PEX2: variants seen among roughly 807,000 people sequenced by gnomAD.
PEX2 encodes the protein peroxisome biogenesis factor 2.
PEX2 carries 19 observed loss-of-function variants against 25.2 expected under a neutral mutation model. The ratio of observed to expected loss-of-function variants is 0.75; its 90% CI spans 0.53 to 1.10. The LOEUF (loss-of-function observed/expected upper bound fraction) is 1.10, where lower values mean the gene tolerates loss of function less well. Ranked by LOEUF, PEX2 falls within the 50% of genes least tolerant of loss-of-function variation. The pLI is 0.00. For missense variants in PEX2, 347 were observed against 350.6 expected, an observed-to-expected ratio of 0.99 and a Z score of 0.08; for synonymous variants, 141 against 127.7, an observed-to-expected ratio of 1.10 and a Z score of -0.70.
chr8:77,000,207 A>G, upstream of PEX2: 1 of 272,604 alleles, frequency 3.7e-6, no homozygotes, highest in South Asian at 3.0e-5. Context: ...TGGATGGCCA[A>G]ACAACCGCGA....
intron 1 of PEX2, among the ~76,000 whole-genome samples, chr8:76,989,206 T>G (rs566682393): frequency 2.0e-5 from 3 of 151,504 alleles, no homozygotes; most frequent in Admixed American, 1.3e-4. Flanking sequence ...GGGAAGCAAG[T>G]CCTTATCAAT....
At chr8:76,994,273 A>T (rs1239854973) in intron 1 of PEX2, among the ~76,000 whole-genome samples, 1 of 152,182 alleles carries the variant, frequency 6.6e-6, no homozygotes, top group African/African-American at 2.4e-5. Context: ...AACTAAACAA[A>T]TGACTGTATC....
Position 76,984,050 on chromosome 8 carries a change from TC to T in PEX2, c.128del (p.Gly43AspfsTer7). The T allele has an allele frequency of 1.9e-6, 3 of 1,613,098 alleles. No homozygotes were observed. The highest frequency in any genetic ancestry group is 2.5e-6 in the Non-Finnish European group (3 of 1,179,414). ...VWSQFTQCFHGFKPGLLARFE... is the reference protein window; with the variant it reads ...VWSQFTQCFHXFKPGLLARFE... ...AGCGAGCTAACAGCCCAGGTTTAAA[TC>T]CATGAAAGCACTGAGTAAACTGGGA... On this transcript the variant is annotated frameshift_variant, in exon 4 of 4. Coordinates refer to ENST00000357039, the MANE Select transcript of PEX2 (RefSeq NM_000318.3). LOFTEE classifies it high-confidence loss of function.
At chr8:76,997,728 T>C (rs1301844026) in intron 1 of PEX2, among the ~76,000 whole-genome samples, 1 of 152,116 alleles carries the variant, frequency 6.6e-6, no homozygotes, top group African/African-American at 2.4e-5. Flanking sequence ...AAAAAGAAAA[T>C]ATATTAAATT....
chr8:76,996,030 T>C (rs895828144), intron 1 of PEX2, among the ~76,000 whole-genome samples: 4 of 152,128 alleles, frequency 2.6e-5, no homozygotes, highest in South Asian at 2.1e-4. Context: ...TATTTCCAAT[T>C]GCAAAAGAGC....
chr8:76,999,622 T>G (rs1233042946), intron 1 of PEX2, among the ~76,000 whole-genome samples: 1 of 152,220 alleles, frequency 6.6e-6, no homozygotes, highest in South Asian at 2.1e-4. Flanking sequence ...AAGTAAAGTT[T>G]GGATCCTCAA....
chr8:77,000,503 G>C (rs1054809084), upstream of PEX2, among the ~76,000 whole-genome samples: 1 of 152,214 alleles, frequency 6.6e-6, no homozygotes, highest in Non-Finnish European at 1.5e-5. Flanking sequence ...GGGGTTCCTT[G>C]TTCGCTGTCG....
chr8:76,990,368 T>C (rs1417731042), intron 1 of PEX2, among the ~76,000 whole-genome samples: 8 of 152,212 alleles, frequency 5.3e-5, no homozygotes, highest in Admixed American at 5.2e-4. Flanking sequence ...GGAGGATCAC[T>C]TTTAATTTCC....
At chr8:76,998,504 T>C (rs943140039) in intron 1 of PEX2, among the ~76,000 whole-genome samples, 2 of 152,238 alleles carry the variant, frequency 1.3e-5, no homozygotes, top group East Asian at 1.9e-4. Context: ...TTGTAGCTTT[T>C]AGAAATAAAT....
chr8:76,987,303 A>G (rs559918079), intron 2 of PEX2, among the ~76,000 whole-genome samples: 4 of 152,294 alleles, frequency 2.6e-5, no homozygotes, highest in East Asian at 1.9e-4. Context: ...AAGGTCAGAG[A>G]AGGCTTCCTG....
chr8:76,982,665 C>T lies in PEX2; in HGVS notation c.*596G>A, dbSNP rs139852334. On this transcript the variant is annotated 3_prime_UTR_variant, in exon 4 of 4. Coordinates refer to ENST00000357039, the MANE Select transcript of PEX2 (RefSeq NM_000318.3). ...CTCTACTAAAAATACAAAAATTACC[C>T]GGGCATGGTGGCATGCACCTGCAGT... 43 of 154,096 alleles carry T rather than the reference C, an allele frequency of 2.8e-4. No homozygotes were observed. The East Asian group carries it at 7.7e-3, about 27-fold the overall frequency. The allele number at this position is 154,096 out of a possible 1,614,324, so 9.5% of individuals were successfully genotyped here. A position where few individuals can be genotyped will look rare whatever the true frequency, so the allele number is the denominator to read the frequency against.
chr8:76,983,180 A>G lies in PEX2; in HGVS notation c.*81T>C, dbSNP rs1203869738. ...GGAGCACATTCCTTATAAAGGATAC[A>G]TAAATGGTATACTTAGGATGACTAA... is the stretch of plus-strand genomic sequence containing the variant. On this transcript the variant is annotated 3_prime_UTR_variant, in exon 4 of 4. Transcript: ENST00000357039. 4 of 1,597,884 alleles carry G rather than the reference A, an allele frequency of 2.5e-6. No homozygotes were observed. Among genetic ancestry groups the G allele is most frequent in the Non-Finnish European group, 3.4e-6 (4 of 1,179,060 alleles).
chr8:76,989,691 A>T (rs1776909695), intron 1 of PEX2, among the ~76,000 whole-genome samples: 1 of 152,062 alleles, frequency 6.6e-6, no homozygotes, highest in Admixed American at 6.6e-5. Flanking sequence ...TTTTGAAATA[A>T]TTTTTTTTGA....
At chr8:76,988,603 G>C (rs975034795) in intron 1 of PEX2, among the ~76,000 whole-genome samples, 5 of 152,186 alleles carry the variant, frequency 3.3e-5, no homozygotes, top group African/African-American at 1.2e-4. Flanking sequence ...TCAGGGTGAT[G>C]ACTGCTGAAG....
At chr8:76,993,029 C>T (rs559703572) in intron 1 of PEX2, among the ~76,000 whole-genome samples, 102 of 152,282 alleles carry the variant, frequency 6.7e-4, no homozygotes, top group African/African-American at 2.4e-3. Context: ...ACATGAGTTG[C>T]ACCATGAGCT....
intron 1 of PEX2, among the ~76,000 whole-genome samples, chr8:76,989,515 C>T (rs2132051822): frequency 6.6e-6 from 1 of 152,138 alleles, no homozygotes; most frequent in South Asian, 2.1e-4. Context: ...CAACTACAGG[C>T]TTAAGAAATG....
At chr8:76,988,190 C>T (rs1807061094) in intron 2 of PEX2, 117 bp downstream of exon 2, 1 of 152,132 alleles carries the variant, frequency 6.6e-6, no homozygotes. Context: ...TATCTCTGGG[C>T]TTTTAATCCT....
chr8:76,990,027 G>A (rs895652367), intron 1 of PEX2, among the ~76,000 whole-genome samples: 8 of 152,148 alleles, frequency 5.3e-5, no homozygotes, highest in African/African-American at 7.2e-5. Context: ...ATTGTCTAGC[G>A]TAGTCACCTT....
chr8:76,991,907 T>C (rs1807180763), intron 1 of PEX2, among the ~76,000 whole-genome samples: 1 of 152,196 alleles, frequency 6.6e-6, no homozygotes, highest in Admixed American at 6.5e-5. Flanking sequence ...TGGCTAGGGA[T>C]GAGCATGAAA....
Sources: allele counts gnomAD v4.1 joint callset (sites outside exome capture counted in the v4.1 genomes callset), GRCh38; gene constraint gnomAD v4.1.1; transcripts MANE v1.5; gene names NCBI Gene and HGNC (gene_info 2026-07-23, HGNC 2026-07-21).